Variants in DMBT1 observed in about 807,000 individuals in gnomAD.
DMBT1 encodes deleted in malignant brain tumors 1.
In DMBT1, 198 loss-of-function variants were observed where a neutral mutation model predicts 252.9. The ratio of observed to expected loss-of-function variants is 0.78; its 90% CI spans 0.70 to 0.88. The LOEUF (loss-of-function observed/expected upper bound fraction) is 0.88. Among genes scored for constraint, DMBT1 ranks in the 40% least tolerant of loss-of-function variants. DMBT1 has a pLI of 0.00. For missense variants in DMBT1, 2,432 were observed against 2,404.7 expected, an observed-to-expected ratio of 1.01 and a Z score of -0.24; for synonymous variants, 990 against 942.7, an observed-to-expected ratio of 1.05 and a Z score of -0.92.
At position 122,620,212 on chromosome 10, in the gene DMBT1, T is replaced by G. The variant is rs1048028847; in HGVS notation, c.5246-41T>G. The G allele has an allele frequency of 3.1e-6, 5 of 1,607,996 alleles. No homozygotes were observed. In the African/African-American group the frequency reaches 6.7e-5, roughly 21 times the overall value. On this transcript the variant is annotated intron_variant, in intron 42 of 55. Transcript: ENST00000338354. ...GATTTTTTTTTGTAGCTTTCCTCCC[T>G]CAAGTCTAATTTTGTCCTTTCTCTT...
chr10:122,586,242 C>G lies in DMBT1; in HGVS notation c.1642C>G (p.Arg548Gly), dbSNP rs546909109. The G allele has an allele frequency of 3.1e-6, 5 of 1,588,780 alleles. No individual in the cohort carries two copies. The highest frequency in any genetic ancestry group is 3.4e-5 in the Admixed American group (2 of 59,548). The change falls in exon 16 of 56, where the codon CGG becomes GGG. Residue 548 changes from arginine (R) to glycine (G), a missense_variant. By Grantham distance (125) the Arg-to-Gly change is moderately radical. Around this residue, in one of 3 missense-constraint regions of DMBT1, gnomAD observed 1,264 missense variants for 1,082.2 expected, o/e 1.17. Transcript: ENST00000338354. ...GGCCATGTTGGCCCCAGGAAATGCC[C>G]GGTTTGGTCAGGGCTCAGGACCCAT... The part of the protein sequence containing the change: ...GWAMLAPGNA[R>G]FGQGSGPIVL...
At chr10:122,642,074 AG>A (rs1844643425) in intron 55 of DMBT1, among the ~76,000 whole-genome samples, 1 of 152,080 alleles carries the variant, frequency 6.6e-6, no homozygotes, top group African/African-American at 2.4e-5. Context: ...ATGACTGCCC[AG>A]GGGCTTCTAA....
Position 122,592,605 on chromosome 10 carries a change from C to G in DMBT1, c.2500+10C>G, listed in dbSNP as rs148351158. The G allele has an allele frequency of 1.4e-3, 2,159 of 1,588,432 alleles. 114 individuals carry two copies. In the African/African-American group the frequency reaches 0.025, roughly 18 times the overall value. ...GGTGTCATCTGCTCAGGTGGGCCTC[C>G]AAGACCTTGGGCTCCCTCTCCTAGA... On this transcript the variant is annotated intron_variant, in intron 20 of 55. Transcript: ENST00000338354.
intron 47 of DMBT1, 100 bp from the exon 48 acceptor site, chr10:122,630,188 A>C: frequency 7.3e-7 from 1 of 1,375,584 alleles, no homozygotes; most frequent in Non-Finnish European, 1.0e-6. Flanking sequence ...TAGAAGAAAA[A>C]CCTGTATTCA....
At chr10:122,564,713 A>G (rs771859561) in intron 1 of DMBT1, among the ~76,000 whole-genome samples, 5 of 152,058 alleles carry the variant, frequency 3.3e-5, no homozygotes, top group Non-Finnish European at 7.4e-5. Context: ...GAAGTGTGTA[A>G]GAGTACTGTA....
chr10:122,589,074 G>T lies in DMBT1; in HGVS notation c.1914G>T (p.Val638=). Residue 638 remains valine, a synonymous_variant, in exon 17 of 56, where the codon GTG becomes GTT. Transcript: ENST00000338354. Reference sequence around the variant, plus strand: ...GCTGGGACACCAATGATGCCAATGTGGTCTGCAGGCAGCTGGGCTGTGGCT... The same window carrying T: ...GCTGGGACACCAATGATGCCAATGTTGTCTGCAGGCAGCTGGGCTGTGGCT... The part of the protein sequence containing the change: ...DDSWDTNDAN[V]VCRQLGCGWA... The T allele has an allele frequency of 6.3e-7, 1 of 1,588,802 alleles. No individual in the cohort carries two copies. The highest frequency in any genetic ancestry group is 1.7e-4 in the Middle Eastern group (1 of 6,008).
intron 49 of DMBT1, 49 bp from the exon 50 acceptor site, chr10:122,631,806 T>C: frequency 6.2e-7 from 1 of 1,611,150 alleles, no homozygotes; most frequent in Non-Finnish European, 8.5e-7. Context: ...CGGCCCCTCC[T>C]CCAAGCCACA....
In DMBT1 at chr10:122,636,190, GA is replaced by G; in HGVS notation, c.6749del (p.Asp2250AlafsTer16). 1 of 1,613,084 alleles carries G rather than the reference GA, an allele frequency of 6.2e-7. No homozygotes were observed. The highest frequency in any genetic ancestry group is 2.2e-5 in the East Asian group (1 of 44,866). ...RAEYYSSPSN[D>X]STNLLCLPNH... is the part of the protein sequence containing the mutation. ...TGAGTACTACTCCAGTCCCTCCAAT[GA>G]CAGCACCAGTAAGTCCCCTTGTGGA... On this transcript the variant is annotated frameshift_variant, in exon 53 of 56. Coordinates refer to ENST00000338354, the MANE Select transcript of DMBT1 (RefSeq NM_001377530.1). LOFTEE classifies it high-confidence loss of function.
In DMBT1 at chr10:122,573,715, G is replaced by C. The variant is rs2097686894; in HGVS notation, c.236G>C (p.Gly79Ala). 6.2e-7 allele frequency: 1 copy of C among 1,613,890 alleles called. No individual in the cohort carries two copies. The highest frequency in any genetic ancestry group is 1.1e-5 in the South Asian group (1 of 91,068). The part of the protein sequence containing the change: ...ESTLESTVAE[G>A]SLIPSESTLE... ...AGCTCTTCCTTTCTCCACCCTGCAG[G>C]TTCTCTGATTCCCTCAGAGTCAACC... Residue 79 changes from glycine to alanine, a missense_variant and splice_region_variant, in exon 6 of 56, where the codon GGT becomes GCT. Gly to Ala is a moderately conservative substitution (Grantham distance 60). Transcript: ENST00000338354.
intron 16 of DMBT1, among the ~76,000 whole-genome samples, chr10:122,588,227 A>G (rs1435188609): frequency 6.8e-6 from 1 of 147,936 alleles, no homozygotes; most frequent in Non-Finnish European, 1.5e-5. Context: ...TTTTTTTCTG[A>G]AAATGAGAGG....
At chr10:122,622,267 C>T (rs377434195) in intron 44 of DMBT1, among the ~76,000 whole-genome samples, 18 of 152,218 alleles carry the variant, frequency 1.2e-4, no homozygotes, top group Admixed American at 5.2e-4. Context: ...AGCCTCTGGC[C>T]GCTCCCTACC....
intron 8 of DMBT1, 53 bp from the exon 9 acceptor site, chr10:122,578,665 A>G: frequency 3.3e-6 from 5 of 1,515,510 alleles, no homozygotes; most frequent in Non-Finnish European, 4.5e-6. Flanking sequence ...CTTGTTTTTT[A>G]CCTTTTTCCC....
intron 26 of DMBT1, among the ~76,000 whole-genome samples, chr10:122,599,386 C>T (rs1460663704): frequency 6.6e-6 from 1 of 152,160 alleles, no homozygotes; most frequent in Non-Finnish European, 1.5e-5. Context: ...CCATTTCTCC[C>T]CTGCTGAGTA....
At chr10:122,578,658 G>GC in intron 8 of DMBT1, 60 bp from the exon 9 acceptor site, 1 of 1,477,246 alleles carries the variant, frequency 6.8e-7, no homozygotes, top group Non-Finnish European at 9.3e-7. Context: ...AGAACCGCTT[G>GC]TTTTTTACCT....
At chr10:122,576,804 A>G in intron 7 of DMBT1, 82 bp downstream of exon 7, 1 of 1,562,048 alleles carries the variant, frequency 6.4e-7, no homozygotes, top group Non-Finnish European at 8.8e-7. Flanking sequence ...AGGTAGGCAG[A>G]TTGCTTGAGC....
At chr10:122,599,209 T>G in intron 26 of DMBT1, 112 bp downstream of exon 26, 1 of 1,550,768 alleles carries the variant, frequency 6.4e-7, no homozygotes, top group Admixed American at 2.0e-5. Flanking sequence ...TTTTCTATAT[T>G]TCTGAAGACT....
In DMBT1 at chr10:122,592,633, G is replaced by A; in HGVS notation, c.2500+38G>A. Reference sequence around the variant, plus strand: ...GACCTTGGGCTCCCTCTCCTAGACTGGAGTTTGCTCAGGAAGAAAATCCTA... The same window carrying A: ...GACCTTGGGCTCCCTCTCCTAGACTAGAGTTTGCTCAGGAAGAAAATCCTA... On this transcript the variant is annotated intron_variant, in intron 20 of 55. Transcript: ENST00000338354. The A allele has an allele frequency of 4.4e-6, 7 of 1,586,382 alleles. No homozygotes were observed. The Admixed American group carries it at 5.1e-5, about 11-fold the overall frequency.
intron 44 of DMBT1, among the ~76,000 whole-genome samples, chr10:122,625,074 A>G (rs901962346): frequency 1.3e-5 from 2 of 152,168 alleles, no homozygotes; most frequent in Non-Finnish European, 1.5e-5. Flanking sequence ...CAAGGGTTCA[A>G]TCTACTTTCA....
rs2098019737 is a variant in DMBT1, at chr10:122,618,264, C to T, written c.5139C>T (p.Tyr1713=). 2.5e-6 allele frequency: 4 copies of T among 1,613,792 alleles called. No individual in the cohort carries two copies. The highest frequency in any genetic ancestry group is 3.4e-6 in the Non-Finnish European group (4 of 1,179,754). ...TGCGCTGCTCAGGACACGAGTCTTA[C>T]CTGTGGAGCTGCCCCCACAATGGCT... The part of the protein sequence containing the change: ...DDVRCSGHES[Y]LWSCPHNGWL... Residue 1713 remains tyrosine (Y), a synonymous_variant, in exon 41 of 56, where the codon TAC becomes TAT. Transcript: ENST00000338354.
Sources: gnomAD v4.1 joint callset for allele counts (sites outside exome capture counted in the v4.1 genomes callset) on GRCh38, gnomAD v4.1.1 for gene constraint, gnomAD v4.1.1 regional missense constraint, MANE v1.5 for transcripts, NCBI Gene and HGNC (gene_info 2026-07-23, HGNC 2026-07-21) for gene names.